PHF11: variants seen among roughly 807,000 people sequenced by gnomAD.
The protein encoded by PHF11 is PHD finger protein 11, also known as BRCA1 C-terminus-associated protein.
PHF11 carries 38 observed loss-of-function variants against 40.5 expected under a neutral mutation model. The ratio of observed to expected loss-of-function variants is 0.94; its 90% confidence interval spans 0.72 to 1.23. The LOEUF (loss-of-function observed/expected upper bound fraction) is 1.23, where lower values mean the gene tolerates loss of function less well. PHF11 is among the 50% of genes most tolerant of loss of function. The pLI, the probability that PHF11 is intolerant of heterozygous loss-of-function variation, is 0.00. For missense variants in PHF11, 369 were observed against 392.4 expected (o/e 0.94, Z 0.50); for synonymous variants, 127 against 138.2 (o/e 0.92, Z 0.57).
At chr13:49,525,797 C>T (rs145948821) in intron 8 of PHF11, 33 of 456,290 alleles carry the variant, frequency 7.2e-5, no homozygotes, top group African/African-American at 6.0e-4. Flanking sequence ...AAACAGTGTG[C>T]CTGAGAACCA....
At chr13:49,496,582 C>A (rs1173584730) in intron 1 of PHF11, 2 of 354,298 alleles carry the variant, frequency 5.6e-6, no homozygotes, top group Non-Finnish European at 7.9e-6. Context: ...CAGTCCTCCC[C>A]GGCCCTCTAC....
chr13:49,527,069 AAAAC>A (rs994223633), intron 9 of PHF11: 4 of 113,554 alleles, frequency 3.5e-5, no homozygotes, highest in African/African-American at 8.5e-5. Flanking sequence ...AAAAAAAACA[AAAAC>A]AAACAAACAA....
chr13:49,518,486 A>T (rs1959172136), intron 4 of PHF11: 1 of 156,060 alleles, frequency 6.4e-6, no homozygotes. Context: ...GCCAGTGGGC[A>T]TATATTCCTA....
intron 4 of PHF11, among the ~76,000 whole-genome samples, chr13:49,519,648 A>G (rs1959178086): frequency 6.7e-6 from 1 of 148,810 alleles, no homozygotes; most frequent in Non-Finnish European, 1.5e-5. Context: ...ACAGAAGCAC[A>G]TGGGATAACG....
Position 49,518,148 on chromosome 13 carries a change from A to G in PHF11, c.455A>G (p.Tyr152Cys), listed in dbSNP as rs200889583. ...VPQSDGVRGI[Y>C]KLLCQQHAQF... The stretch of plus-strand genomic sequence containing the variant: ...CAGTCTGATGGAGTTCGAGGAATTT[A>G]TAAGTATTTAATAAAACATTTTTAA... Residue 152 changes from tyrosine to cysteine, a missense_variant, in exon 4 of 10, where the codon TAT becomes TGT. Physicochemically the swap from Tyr to Cys is radical, Grantham distance 194. Coordinates refer to ENST00000378319, the MANE Select transcript of PHF11 (RefSeq NM_001040443.3). The G allele has an allele frequency of 1.4e-5, 22 of 1,593,736 alleles. No homozygotes were observed. The East Asian group carries it at 4.3e-4, about 31-fold the overall frequency.
chr13:49,513,249 C>T, intron 3 of PHF11, 83 bp downstream of exon 3: 1 of 662,058 alleles, frequency 1.5e-6, no homozygotes, highest in Non-Finnish European at 2.7e-6. Context: ...TTGACTGATA[C>T]ACCAGGGATA....
chr13:49,508,754 C>T (rs763994890), intron 2 of PHF11, among the ~76,000 whole-genome samples: 6 of 151,998 alleles, frequency 3.9e-5, no homozygotes, highest in Non-Finnish European at 5.9e-5. Flanking sequence ...ACCTTTAATT[C>T]GGGGGACTCT....
At chr13:49,505,942 AATAG>A (rs532943686) in intron 1 of PHF11, among the ~76,000 whole-genome samples, 17 of 152,314 alleles carry the variant, frequency 1.1e-4, no homozygotes, top group African/African-American at 4.1e-4. Flanking sequence ...TAACTTTTTA[AATAG>A]ATAATTAACC....
At chr13:49,520,516 T>G (rs1959182663) in intron 4 of PHF11, among the ~76,000 whole-genome samples, 1 of 152,240 alleles carries the variant, frequency 6.6e-6, no homozygotes, top group African/African-American at 2.4e-5. Flanking sequence ...TATTTATTGT[T>G]GAAAACCAGC....
At chr13:49,526,491 GTT>G (rs10546233) in intron 9 of PHF11, 33 bp downstream of exon 9, 538,856 of 1,089,512 alleles carry the variant, frequency 0.49, 138,365 homozygotes, top group Non-Finnish European at 0.53. Context: ...GAGCAGCATA[GTT>G]TTGAGAAATA....
chr13:49,521,377 A>G (rs971434610), intron 5 of PHF11: 87 of 988,126 alleles, frequency 8.8e-5, no homozygotes, highest in Middle Eastern at 1.0e-3. Context: ...GTCATGGGGT[A>G]TACTTTCATT....
Position 49,522,059 on chromosome 13 carries a change from GA to G in PHF11, c.526del (p.Arg176GlufsTer20). On this transcript the variant is annotated frameshift_variant, in exon 6 of 10. Transcript: ENST00000378319. LOFTEE classifies it high-confidence loss of function. ...TATTTTTAGCTAAATTTTCAGGAGT[GA>G]AAAGAAAAAGAGGAAGGAAGAAACC... Reference protein sequence around the residue: ...IAQSAKFSGVKRKRGRKKPLS... With the variant: ...IAQSAKFSGVXRKRGRKKPLS... 1 of 1,536,226 alleles carries G rather than the reference GA, an allele frequency of 6.5e-7. No homozygotes were observed. The highest frequency in any genetic ancestry group is 9.0e-7 in the Non-Finnish European group (1 of 1,111,548).
chr13:49,518,089 C>T lies in PHF11; in HGVS notation c.396C>T (p.His132=), dbSNP rs1281026964. 2.5e-5 allele frequency: 40 copies of T among 1,602,550 alleles called. 1 individual carries two copies. In the Admixed American group the frequency reaches 6.7e-4, roughly 27 times the overall value. ...TAAAAAACTGTAACAAGAATTACCA[C>T]TTTTTCTGTGCCAAGAAGGACGACG... ...CDLKNCNKNY[H]FFCAKKDDAV... Residue 132 remains histidine (H), a synonymous_variant, in exon 4 of 10, where the codon CAC becomes CAT. Transcript: ENST00000378319.
chr13:49,520,918 A>G lies in PHF11; in HGVS notation c.483A>G (p.Gln161=). 1 of 1,584,288 alleles carries G rather than the reference A, an allele frequency of 6.3e-7. No homozygotes were observed. The highest frequency in any genetic ancestry group is 8.6e-7 in the Non-Finnish European group (1 of 1,158,576). Reference sequence around the variant, plus strand: ...GACTGCTTTGCCAGCAACATGCTCAATTCCCGATCATCGCTCAAAGTGGTA... The same window carrying G: ...GACTGCTTTGCCAGCAACATGCTCAGTTCCCGATCATCGCTCAAAGTGGTA... The part of the protein sequence containing the change: ...IYKLLCQQHA[Q]FPIIAQSAKF... The change falls in exon 5 of 10, where the codon CAA becomes CAG. Residue 161 remains glutamine, a synonymous_variant. Coordinates refer to ENST00000378319, the MANE Select transcript of PHF11 (RefSeq NM_001040443.3).
rs371115474 is a variant in PHF11 at position 49,519,057 on chromosome 13, A to T, written c.458+906A>T. 6.4e-3 allele frequency among the ~76,000 whole-genome samples: 965 copies of T among 151,908 alleles called. 3 individuals carry two copies. Among genetic ancestry groups the T allele is most frequent in the Non-Finnish European group, 0.01 (702 of 67,906 alleles). On this transcript the variant is annotated intron_variant, in intron 4 of 9. Transcript: ENST00000378319. ...TCACCGTGTTAGCCAGGATGGTCTC[A>T]ATCTCCTGACCTCGTGATCCGCCCG...
At chr13:49,524,287 C>CAA in intron 8 of PHF11, 71 bp downstream of exon 8, 1 of 1,124,560 alleles carries the variant, frequency 8.9e-7, no homozygotes, top group Admixed American at 2.7e-5. Context: ...AAAACAAACC[C>CAA]AAGAAAAAAA....
chr13:49,498,388 T>A (rs755615436), intron 1 of PHF11, among the ~76,000 whole-genome samples: 1 of 130,838 alleles, frequency 7.6e-6, no homozygotes, highest in African/African-American at 3.8e-5. Flanking sequence ...TTCTGGTAAA[T>A]CATTCTGACA....
intron 2 of PHF11, among the ~76,000 whole-genome samples, chr13:49,507,681 A>G (rs373060903): frequency 6.6e-6 from 1 of 152,244 alleles, no homozygotes; most frequent in East Asian, 1.9e-4. Flanking sequence ...GTTAGCCCAC[A>G]GTTGGGCACA....
At chr13:49,513,487 T>G (rs1051824414) in intron 3 of PHF11, among the ~76,000 whole-genome samples, 1 of 151,918 alleles carries the variant, frequency 6.6e-6, no homozygotes, top group Non-Finnish European at 1.5e-5. Context: ...CGGGCCACCA[T>G]GCTCGGCAAA....
Sources: gnomAD v4.1 joint callset for allele counts (sites outside exome capture counted in the v4.1 genomes callset) on GRCh38, gnomAD v4.1.1 for gene constraint, MANE v1.5 for transcripts, NCBI Gene and HGNC (gene_info 2026-07-23, HGNC 2026-07-21) for gene names.